Variants in PADI6 observed in about 807,000 individuals in gnomAD.
The protein encoded by PADI6 is inactive protein-arginine deiminase type-6.
Under a neutral mutation model 78.2 loss-of-function variants are expected in PADI6, and 66 were observed. The ratio of observed to expected loss-of-function variants is 0.84; its 90% CI spans 0.69 to 1.04. The LOEUF (loss-of-function observed/expected upper bound fraction) is 1.04. Ranked by LOEUF, PADI6 falls within the 50% of genes least tolerant of loss-of-function variation. PADI6 has a pLI of 0.00. For synonymous variants in PADI6, 397 were observed against 346.9 expected (o/e 1.14, Z -1.60); for missense variants, 854 against 866.1 (o/e 0.99, Z 0.18).
intron 8 of PADI6, among the ~76,000 whole-genome samples, chr1:17,390,783 A>C (rs1475011234): frequency 6.6e-6 from 1 of 152,170 alleles, no homozygotes; most frequent in African/African-American, 2.4e-5. Flanking sequence ...AAAAGACATA[A>C]AGCAGAGAGA....
chr1:17,394,105 T>A, intron 10 of PADI6, 23 bp downstream of exon 10: 1 of 1,605,432 alleles, frequency 6.2e-7, no homozygotes. Context: ...GTTTGGCTAA[T>A]CTGAGCTCAG....
At position 17,373,291 on chromosome 1, in the gene PADI6, C is replaced by A. The variant is rs987613069; in HGVS notation, c.294+58C>A. 4 of 1,573,826 alleles carry A rather than the reference C, an allele frequency of 2.5e-6. No homozygotes were observed. The African/African-American group carries it at 5.4e-5, about 21-fold the overall frequency. On this transcript the variant is annotated intron_variant, in intron 2 of 15. Transcript: ENST00000619609. ...CCCGGGGTGGGACCTAGCACAGCCA[C>A]TGGGGCTTCCTCCTGGCTGCAGACG...
intron 11 of PADI6, 105 bp from the exon 12 acceptor site, chr1:17,394,846 C>T: frequency 7.4e-7 from 1 of 1,353,426 alleles, no homozygotes; most frequent in South Asian, 1.5e-5. Context: ...CTCTTTCACA[C>T]AACGGTCAGA....
intron 6 of PADI6, among the ~76,000 whole-genome samples, chr1:17,388,152 G>T (rs2075141438): frequency 6.6e-6 from 1 of 152,194 alleles, no homozygotes; most frequent in Non-Finnish European, 1.5e-5. Context: ...CATGTAATAG[G>T]TCTTCAAGGA....
intron 2 of PADI6, among the ~76,000 whole-genome samples, chr1:17,374,924 C>T (rs111479270): frequency 6.6e-6 from 1 of 152,098 alleles, no homozygotes; most frequent in Non-Finnish European, 1.5e-5. Flanking sequence ...GACACAGTCC[C>T]ACAGTTGGGA....
intron 6 of PADI6, among the ~76,000 whole-genome samples, chr1:17,385,596 C>T (rs193186557): frequency 1.4e-3 from 219 of 152,110 alleles, no homozygotes; most frequent in Non-Finnish European, 2.4e-3. Context: ...TGGTATAGAA[C>T]CCAGGTTCAT....
chr1:17,401,411 C>T lies in PADI6; in HGVS notation c.2058C>T (p.Ala686=). The T allele has an allele frequency of 6.2e-7, 1 of 1,614,036 alleles. No individual in the cohort carries two copies. The highest frequency in any genetic ancestry group is 8.5e-7 in the Non-Finnish European group (1 of 1,179,898). ...CCAACATCCGCCGGGTGCCCTTTGC[C>T]TTCAAATGGTGGAAGATGGTACCTT... ...ACANIRRVPF[A]FKWWKMVP The change falls in exon 16 of 16, where the codon GCC becomes GCT. Residue 686 remains alanine (A), a synonymous_variant. Coordinates refer to ENST00000619609, the MANE Select transcript of PADI6 (RefSeq NM_207421.4).
At chr1:17,388,944 A>C in intron 8 of PADI6, 64 bp downstream of exon 8, 3 of 1,304,544 alleles carry the variant, frequency 2.3e-6, no homozygotes, top group East Asian at 2.4e-5. Context: ...TTCTTTCTAT[A>C]TGCAGGGCAG....
chr1:17,379,942 C>G lies in PADI6; in HGVS notation c.390C>G (p.Ile130Met), dbSNP rs534017608. The G allele has an allele frequency of 1.2e-6, 2 of 1,613,606 alleles. No homozygotes were observed. Among genetic ancestry groups the G allele is most frequent in the South Asian group, 2.2e-5 (2 of 91,056 alleles). ...CAGAGGTCTCTCTAGAGGTAGACATCTACCGCAATGGGCAAGTTGAGATGT... is the reference window on the plus strand; with the variant it reads ...CAGAGGTCTCTCTAGAGGTAGACATGTACCGCAATGGGCAAGTTGAGATGT... Reference protein sequence around the residue: ...TGIEVSLEVDIYRNGQVEMSS... With the variant: ...TGIEVSLEVDMYRNGQVEMSS... Residue 130 changes from isoleucine to methionine, a missense_variant, in exon 4 of 16, where the codon ATC becomes ATG. By Grantham distance (10) the Ile-to-Met change is conservative. Transcript: ENST00000619609.
intron 10 of PADI6, 57 bp from the exon 11 acceptor site, chr1:17,394,243 T>TG: frequency 6.3e-7 from 1 of 1,595,552 alleles, no homozygotes; most frequent in South Asian, 1.1e-5. Flanking sequence ...GGGATAAGAC[T>TG]GGGGCCTAAA....
In PADI6 at chr1:17,375,461, C is replaced by A. The variant is rs771505959; in HGVS notation, c.329C>A (p.Ala110Asp). 1 of 1,610,736 alleles carries A rather than the reference C, an allele frequency of 6.2e-7. No individual in the cohort carries two copies. Residue 110 changes from alanine to aspartate, a missense_variant, in exon 3 of 16, where the codon GCC becomes GAC. Transcript: ENST00000619609. Reference protein sequence around the residue: ...SVTYYGPNEDAPVGTAVLYLT... With the variant: ...SVTYYGPNEDDPVGTAVLYLT... Reference sequence around the variant, plus strand: ...ACATACTATGGGCCCAACGAGGATGCCCCCGTGGGCACAGCTGTGCTGTAC... The same window carrying A: ...ACATACTATGGGCCCAACGAGGATGACCCCGTGGGCACAGCTGTGCTGTAC...
chr1:17,381,780 T>A (rs1360966127), intron 5 of PADI6, among the ~76,000 whole-genome samples, 187 bp from the exon 6 acceptor site: 1 of 152,150 alleles, frequency 6.6e-6, no homozygotes, highest in Non-Finnish European at 1.5e-5. Flanking sequence ...CCCTGAGGTT[T>A]GCAGCTTGCC....
intron 13 of PADI6, among the ~76,000 whole-genome samples, chr1:17,396,745 G>A (rs959256258): frequency 1.3e-5 from 2 of 152,186 alleles, no homozygotes; most frequent in Non-Finnish European, 2.9e-5. Context: ...AGGTTGTATT[G>A]GCATAAGGGG....
intron 6 of PADI6, among the ~76,000 whole-genome samples, chr1:17,387,157 A>T (rs908819055): frequency 1.3e-5 from 2 of 152,072 alleles, no homozygotes; most frequent in African/African-American, 2.4e-5. Context: ...AAATGAATGG[A>T]CTTGGGCTGG....
chr1:17,381,983 C>T lies in PADI6; in HGVS notation c.570C>T (p.Ser190=), dbSNP rs1478709607. Residue 190 remains serine (S), a synonymous_variant, in exon 6 of 16, where the codon TCC becomes TCT. Coordinates refer to ENST00000619609, the MANE Select transcript of PADI6 (RefSeq NM_207421.4). ...TTTGCCCAGAAATAACGAATCTGTC[C>T]CAGATGACTCTGAATGTCCAAGGCC... ...VIFSEEITNL[S]QMTLNVQGPS... 1 of 1,613,806 alleles carries T rather than the reference C, an allele frequency of 6.2e-7. No homozygotes were observed. The highest frequency in any genetic ancestry group is 1.3e-5 in the African/African-American group (1 of 74,922).
intron 15 of PADI6, 45 bp from the exon 16 acceptor site, chr1:17,401,160 C>A: frequency 1.3e-6 from 2 of 1,584,660 alleles, no homozygotes; most frequent in Non-Finnish European, 1.7e-6. Flanking sequence ...GGCTTTCAGG[C>A]CTCTGATCCC....
chr1:17,394,929 G>A (rs748374798), intron 11 of PADI6, 22 bp from the exon 12 acceptor site: 9 of 1,587,574 alleles, frequency 5.7e-6, no homozygotes, highest in Non-Finnish European at 7.7e-6. Flanking sequence ...CTCAAGAGCT[G>A]TTCTTTCCAT....
chr1:17,399,314 C>T lies in PADI6; in HGVS notation c.1851+467C>T, dbSNP rs142022352. Reference sequence around the variant, plus strand: ...GTACATCAGCCCTTAAAATAACATTCTAGGCCAGGCGCAGTGGCTCATGCC... The same window carrying T: ...GTACATCAGCCCTTAAAATAACATTTTAGGCCAGGCGCAGTGGCTCATGCC... On this transcript the variant is annotated intron_variant, in intron 15 of 15. Transcript: ENST00000619609. Among the ~76,000 whole-genome samples the T allele has an allele frequency of 1.7e-3, 264 of 152,316 alleles. 2 individuals are homozygous for T. The highest frequency in any genetic ancestry group is 5.9e-3 in the African/African-American group (247 of 41,570).
Position 17,401,527 on chromosome 1 carries a change from G to A in PADI6, c.*89G>A. The stretch of plus-strand genomic sequence containing the variant: ...CATGATTCTTTGCCCAGTAGAGGAG[G>A]CTGGAGAGTCCAGGCAACAGAACCC... On this transcript the variant is annotated 3_prime_UTR_variant, in exon 16 of 16. Coordinates refer to ENST00000619609, the MANE Select transcript of PADI6 (RefSeq NM_207421.4). 1 of 1,220,888 alleles carries A rather than the reference G, an allele frequency of 8.2e-7. No homozygotes were observed. The highest frequency in any genetic ancestry group is 1.4e-5 in the South Asian group (1 of 70,120). The allele number at this position is 1,220,888 out of a possible 1,614,324, so 75.6% of individuals were successfully genotyped here.
Sources: gnomAD v4.1 joint callset for allele counts (sites outside exome capture counted in the v4.1 genomes callset) on GRCh38, gnomAD v4.1.1 for gene constraint, MANE v1.5 for transcripts, NCBI Gene and HGNC (gene_info 2026-07-23, HGNC 2026-07-21) for gene names.